Variants in UBR3 observed in about 807,000 individuals in gnomAD.
UBR3 encodes E3 ubiquitin-protein ligase UBR3.
A neutral mutation model predicts 243.2 loss-of-function variants in UBR3; 85 were observed. That is an observed-to-expected ratio of 0.35 (90% CI 0.29 to 0.42). The LOEUF (loss-of-function observed/expected upper bound fraction) is 0.42, where lower values mean the gene tolerates loss of function less well. Among genes scored for constraint, UBR3 ranks in the 10% least tolerant of loss-of-function variants. The probability of loss-of-function intolerance (pLI) is 1.00; values close to 1 mark genes in which losing one functional copy is unlikely to be tolerated. For missense variants in UBR3, 1,686 were observed against 2,300.8 expected, an observed-to-expected ratio of 0.73 and a Z score of 5.47; for synonymous variants, 748 against 799.8, an observed-to-expected ratio of 0.94 and a Z score of 1.09.
intron 5 of UBR3, among the ~76,000 whole-genome samples, chr2:169,880,618 G>A (rs1183882607): frequency 6.6e-6 from 1 of 152,182 alleles, no homozygotes; most frequent in African/African-American, 2.4e-5. Context: ...GTGTTTGTGT[G>A]TGCACGTGTG....
chr2:170,033,609 A>T (rs2090743928), intron 31 of UBR3, among the ~76,000 whole-genome samples: 1 of 95,136 alleles, frequency 1.1e-5, no homozygotes, highest in Non-Finnish European at 1.9e-5. Context: ...ATTTGCTCTC[A>T]TTTTTATGGT....
At chr2:169,836,106 C>T (rs111938531) in intron 1 of UBR3, among the ~76,000 whole-genome samples, 4,551 of 91,522 alleles carry the variant, frequency 0.05, 421 homozygotes, top group Admixed American at 0.13. Context: ...GATGGAAACT[C>T]GCTCTGTCCC....
At chr2:169,891,317 A>C (rs1042376866) in intron 6 of UBR3, 86 bp downstream of exon 6, 1 of 977,402 alleles carries the variant, frequency 1.0e-6, no homozygotes, top group African/African-American at 1.6e-5. Context: ...TGGGCTAGCC[A>C]TACTGACATC....
chr2:170,043,769 T>A (rs114517075), intron 32 of UBR3, among the ~76,000 whole-genome samples: 1 of 152,212 alleles, frequency 6.6e-6, no homozygotes, highest in East Asian at 1.9e-4. Flanking sequence ...TTAGCAGTCA[T>A]TAAATTTACC....
Position 170,001,408 on chromosome 2 carries a change from A to G in UBR3, c.4023A>G (p.Ser1341=). Residue 1341 remains serine, a synonymous_variant, in exon 27 of 39, where the codon TCA becomes TCG. Transcript: ENST00000272793. ...ATTGTCATAAATCTTACATGGAATC[A>G]TTACGGGTAAGTTGATTGCAAAAAT... is the stretch of plus-strand genomic sequence containing the variant. ...HIDCHKSYME[S]LRNDQVLQGF... 1 of 1,610,842 alleles carries G rather than the reference A, an allele frequency of 6.2e-7. No homozygotes were observed. The highest frequency in any genetic ancestry group is 8.5e-7 in the Non-Finnish European group (1 of 1,177,864).
At chr2:169,869,669 A>G (rs2083376549) in intron 1 of UBR3, among the ~76,000 whole-genome samples, 1 of 152,150 alleles carries the variant, frequency 6.6e-6, no homozygotes. Context: ...GCTTTCCTCT[A>G]ATGGCTCAAT....
intron 24 of UBR3, among the ~76,000 whole-genome samples, chr2:169,984,778 A>G (rs1173931279): frequency 6.6e-6 from 1 of 152,142 alleles, no homozygotes; most frequent in Admixed American, 6.5e-5. Context: ...AGTTTCTTGA[A>G]GAAAAAAAGG....
intron 36 of UBR3, chr2:170,077,086 TCCA>T: frequency 2.6e-6 from 1 of 384,248 alleles, no homozygotes; most frequent in Non-Finnish European, 5.0e-6. Context: ...AATTTTTTTT[TCCA>T]TTTTAATGTT....
intron 30 of UBR3, among the ~76,000 whole-genome samples, chr2:170,022,956 A>G (rs1244412842): frequency 3.3e-5 from 5 of 152,092 alleles, no homozygotes; most frequent in African/African-American, 9.7e-5. Context: ...CTGATTTCTC[A>G]GGGACATACA....
At chr2:169,926,589 A>G (rs1574218200) in intron 14 of UBR3, 103 bp from the exon 15 acceptor site, 1 of 183,550 alleles carries the variant, frequency 5.4e-6, no homozygotes, top group Non-Finnish European at 1.1e-5. Context: ...TCTCAAAAAC[A>G]AAAAACAAAA....
In UBR3 at chr2:169,932,976, T is replaced by C. The variant is rs1395489922; in HGVS notation, c.2631T>C (p.Asp877=). 2.6e-6 allele frequency: 4 copies of C among 1,536,688 alleles called. No homozygotes were observed. Among genetic ancestry groups the C allele is most frequent in the Non-Finnish European group, 3.5e-6 (4 of 1,143,396 alleles). ...MVILRTVYRR[D]VQSAMDRYTA... is the part of the protein sequence containing the mutation. Reference sequence around the variant, plus strand: ...TTCTTCGAACAGTTTACCGTAGAGATGTGCAGTCTGCAATGGACAGATATA... The same window carrying C: ...TTCTTCGAACAGTTTACCGTAGAGACGTGCAGTCTGCAATGGACAGATATA... Residue 877 remains aspartate, a synonymous_variant, in exon 19 of 39, where the codon GAT becomes GAC. Transcript: ENST00000272793.
intron 1 of UBR3, among the ~76,000 whole-genome samples, chr2:169,835,545 G>T (rs976061718): frequency 2.0e-5 from 3 of 151,814 alleles, no homozygotes; most frequent in Non-Finnish European, 4.4e-5. Context: ...AGTTCAAGCG[G>T]TTCTCCTGTC....
At chr2:169,897,886 C>A (rs73011781) in intron 8 of UBR3, among the ~76,000 whole-genome samples, 6,628 of 152,198 alleles carry the variant, frequency 0.044, 167 homozygotes, top group Middle Eastern at 0.068. Context: ...AGCTTCTGAA[C>A]AAGTCTCTGA....
chr2:170,002,423 C>G (rs1200075284), intron 27 of UBR3, among the ~76,000 whole-genome samples: 1 of 152,182 alleles, frequency 6.6e-6, no homozygotes, highest in Non-Finnish European at 1.5e-5. Flanking sequence ...AAACCTTTGC[C>G]TCCCCAAGAT....
intron 37 of UBR3, chr2:170,080,337 C>A: frequency 1.6e-6 from 1 of 623,540 alleles, no homozygotes; most frequent in Non-Finnish European, 2.6e-6. Context: ...ATTAGGTTGG[C>A]TCTTAATTGC....
At chr2:169,964,209 T>A (rs936548014) in intron 24 of UBR3, among the ~76,000 whole-genome samples, 1 of 152,154 alleles carries the variant, frequency 6.6e-6, no homozygotes, top group Non-Finnish European at 1.5e-5. Context: ...ACCAAAGATA[T>A]ATAGTCAAAG....
At chr2:169,971,237 G>A (rs1469718966) in intron 24 of UBR3, among the ~76,000 whole-genome samples, 1 of 150,278 alleles carries the variant, frequency 6.7e-6, no homozygotes, top group African/African-American at 2.4e-5. Flanking sequence ...CCTTTGTCAG[G>A]TGAGTAGGTT....
chr2:169,838,387 TTGTGTGTGTGTG>T (rs544974959), intron 1 of UBR3, among the ~76,000 whole-genome samples: 7,165 of 114,220 alleles, frequency 0.063, 216 homozygotes, highest in Middle Eastern at 0.078. Flanking sequence ...ATTAAGGCAT[TTGTGTGTGTGTG>T]TGTGTGTGTG....
intron 19 of UBR3, among the ~76,000 whole-genome samples, chr2:169,941,123 A>G (rs2086566412): frequency 6.6e-6 from 1 of 152,138 alleles, no homozygotes; most frequent in South Asian, 2.1e-4. Flanking sequence ...GCCCGATACC[A>G]TGTCACAGTG....
Sources: allele counts gnomAD v4.1 joint callset (sites outside exome capture counted in the v4.1 genomes callset), GRCh38; gene constraint gnomAD v4.1.1; transcripts MANE v1.5; gene names NCBI Gene and HGNC (gene_info 2026-07-23, HGNC 2026-07-21).